The following SYT16 variants were observed in gnomAD, a reference collection of about 807,000 sequenced individuals.
The protein encoded by SYT16 is synaptotagmin 16, also known as synaptotagmin-16.
A neutral mutation model predicts 61.4 loss-of-function variants in SYT16; 42 were observed. That is an observed-to-expected ratio of 0.68 (90% CI 0.53 to 0.89). The LOEUF (loss-of-function observed/expected upper bound fraction) is 0.89. SYT16 is among the 40% of genes least tolerant of loss of function. The pLI is 0.00. For synonymous variants in SYT16, 314 were observed against 302.3 expected (o/e 1.04, Z -0.40); for missense variants, 804 against 807.3 (o/e 1.00, Z 0.05).
intron 1 of SYT16, among the ~76,000 whole-genome samples, chr14:61,930,237 T>C (rs1273263895): frequency 6.6e-6 from 1 of 152,162 alleles, no homozygotes; most frequent in East Asian, 1.9e-4. Flanking sequence ...CGCTGTCTCC[T>C]ATTTCTTTTT....
At chr14:62,054,497 A>G (rs2055457600) in intron 3 of SYT16, among the ~76,000 whole-genome samples, 1 of 151,676 alleles carries the variant, frequency 6.6e-6, no homozygotes, top group East Asian at 1.9e-4. Flanking sequence ...AGTAGCTGGG[A>G]CTACAGGTGC....
At chr14:61,979,789 G>A (rs906131206) in intron 2 of SYT16, among the ~76,000 whole-genome samples, 84 of 152,098 alleles carry the variant, frequency 5.5e-4, no homozygotes, top group Non-Finnish European at 6.5e-4. Flanking sequence ...GGCTGAGGCC[G>A]GAGAATCACT....
intron 3 of SYT16, among the ~76,000 whole-genome samples, chr14:62,009,617 C>T (rs1349658330): frequency 1.3e-5 from 2 of 152,112 alleles, no homozygotes; most frequent in Non-Finnish European, 2.9e-5. Flanking sequence ...CTCCTAGGTT[C>T]TCCTATGCCC....
chr14:62,079,184 C>T (rs1892050), intron 5 of SYT16, among the ~76,000 whole-genome samples: 14,918 of 152,170 alleles, frequency 0.098, 993 homozygotes, highest in South Asian at 0.2. Flanking sequence ...AATATATATA[C>T]ACTAGTCAGT....
At chr14:61,923,513 T>C (rs1001669142) in intron 1 of SYT16, among the ~76,000 whole-genome samples, 1 of 152,192 alleles carries the variant, frequency 6.6e-6, no homozygotes, top group Non-Finnish European at 1.5e-5. Context: ...TCTTATTTCC[T>C]GACCTCACCA....
chr14:61,982,780 G>A (rs2052139525), intron 2 of SYT16, among the ~76,000 whole-genome samples: 1 of 152,114 alleles, frequency 6.6e-6, no homozygotes, highest in Non-Finnish European at 1.5e-5. Flanking sequence ...TTATAGATGA[G>A]GCAATTTTTT....
At chr14:61,971,707 G>T (rs958599844) in intron 2 of SYT16, among the ~76,000 whole-genome samples, 1 of 152,230 alleles carries the variant, frequency 6.6e-6, no homozygotes, top group Admixed American at 6.5e-5. Flanking sequence ...AAATATCTCT[G>T]TGAGATAATA....
intron 1 of SYT16, among the ~76,000 whole-genome samples, chr14:61,964,659 A>C (rs2051239805): frequency 6.6e-6 from 1 of 152,178 alleles, no homozygotes; most frequent in African/African-American, 2.4e-5. Flanking sequence ...GTTTGAGAGG[A>C]TTTTGAAAGA....
chr14:61,828,422 A>G (rs1388614543), intron 1 of SYT16, among the ~76,000 whole-genome samples: 3 of 152,202 alleles, frequency 2.0e-5, no homozygotes, highest in Non-Finnish European at 4.4e-5. Flanking sequence ...CTTCTGTCCA[A>G]ATAACTTCCT....
Position 61,830,101 on chromosome 14 carries a change from T to C in SYT16, c.-325+17291T>C, listed in dbSNP as rs1594709329. Among the ~76,000 whole-genome samples, 5 of 152,350 alleles carry C rather than the reference T, an allele frequency of 3.3e-5. No homozygotes were observed. The South Asian group carries it at 1.0e-3, about 32-fold the overall frequency. On this transcript the variant is annotated intron_variant, in intron 1 of 7. Coordinates refer to ENST00000683842, the MANE Select transcript of SYT16 (RefSeq NM_001367656.1). ...GTTTTATTCTTTATATCTTGAGTATTTTTCTGAGCCCACTGGTTTTTCCGT... is the reference window on the plus strand; with the variant it reads ...GTTTTATTCTTTATATCTTGAGTATCTTTCTGAGCCCACTGGTTTTTCCGT...
At chr14:61,841,606 T>C (rs1290637930) in intron 1 of SYT16, among the ~76,000 whole-genome samples, 1 of 152,206 alleles carries the variant, frequency 6.6e-6, no homozygotes, top group Non-Finnish European at 1.5e-5. Context: ...GGGCTTCTAG[T>C]GTACCCATCA....
intron 1 of SYT16, among the ~76,000 whole-genome samples, chr14:61,953,372 A>AT (rs899737391): frequency 1.7e-4 from 25 of 148,928 alleles, no homozygotes; most frequent in Non-Finnish European, 3.1e-4. Flanking sequence ...AATGGTCCAA[A>AT]TTTTTTTTTT....
At chr14:61,881,213 C>G (rs928768647) in intron 1 of SYT16, among the ~76,000 whole-genome samples, 1 of 152,178 alleles carries the variant, frequency 6.6e-6, no homozygotes, top group African/African-American at 2.4e-5. Context: ...CAGTAACATA[C>G]AAATGTGCTT....
chr14:62,094,884 AT>A (rs2057217524), intron 7 of SYT16, among the ~76,000 whole-genome samples: 1 of 151,664 alleles, frequency 6.6e-6, no homozygotes, highest in Non-Finnish European at 1.5e-5. Flanking sequence ...TATGGGCAAA[AT>A]TTTTCCATTC....
At chr14:62,048,008 A>G (rs929377065) in intron 3 of SYT16, among the ~76,000 whole-genome samples, 2 of 152,110 alleles carry the variant, frequency 1.3e-5, no homozygotes, top group African/African-American at 4.8e-5. Context: ...GTTAGGGAGG[A>G]TTCCCTCTTT....
chr14:62,075,620 GAAA>G (rs66588591), intron 5 of SYT16, among the ~76,000 whole-genome samples: 3 of 91,840 alleles, frequency 3.3e-5, no homozygotes, highest in Admixed American at 1.0e-4. Flanking sequence ...AAAAAAAAAA[GAAA>G]AAAAGAAAAA....
intron 1 of SYT16, among the ~76,000 whole-genome samples, chr14:61,885,384 TG>T (rs1167641832): frequency 6.6e-6 from 1 of 151,020 alleles, no homozygotes; most frequent in African/African-American, 2.4e-5. Flanking sequence ...GCAGATATGA[TG>T]ATGATGATGA....
chr14:61,992,892 C>A (rs2052613060), intron 2 of SYT16, among the ~76,000 whole-genome samples: 1 of 152,120 alleles, frequency 6.6e-6, no homozygotes, highest in African/African-American at 2.4e-5. Flanking sequence ...CACCAGTGCT[C>A]AAACTTTGCA....
intron 3 of SYT16, among the ~76,000 whole-genome samples, chr14:62,054,828 C>T (rs2055473961): frequency 6.6e-6 from 1 of 152,010 alleles, no homozygotes; most frequent in Non-Finnish European, 1.5e-5. Flanking sequence ...TTAGAAATTG[C>T]CTTGAGGATG....
Sources: allele counts gnomAD v4.1 joint callset (sites outside exome capture counted in the v4.1 genomes callset), GRCh38; gene constraint gnomAD v4.1.1; transcripts MANE v1.5; gene names NCBI Gene and HGNC (gene_info 2026-07-23, HGNC 2026-07-21).